The following ABI3BP variants were observed in gnomAD, a reference collection of about 807,000 sequenced individuals.
The protein encoded by ABI3BP is target of Nesh-SH3.
In ABI3BP, 216 loss-of-function variants were observed where a neutral mutation model predicts 268.6. That is an observed-to-expected ratio of 0.80 (90% CI 0.72 to 0.90). The LOEUF (loss-of-function observed/expected upper bound fraction) is 0.90. ABI3BP is among the 40% of genes least tolerant of loss of function. The pLI, the probability that ABI3BP is intolerant of heterozygous loss-of-function variation, is 0.00. For synonymous variants in ABI3BP, 730 were observed against 730.0 expected (o/e 1.00, Z 0.00); for missense variants, 2,090 against 2,182.4 (o/e 0.96, Z 0.84).
At chr3:100,802,940 A>C (rs2097572768) in intron 51 of ABI3BP, among the ~76,000 whole-genome samples, 2 of 146,352 alleles carry the variant, frequency 1.4e-5, no homozygotes, top group African/African-American at 4.9e-5. Context: ...GCCTACATAA[A>C]ATCTAGAACT....
chr3:100,988,441 C>T (rs532086916), intron 1 of ABI3BP, among the ~76,000 whole-genome samples: 22 of 152,304 alleles, frequency 1.4e-4, no homozygotes, highest in South Asian at 1.0e-3. Context: ...TTAACACTCA[C>T]TGAGCTTTGG....
At chr3:100,828,132 C>T (rs1055050659) in intron 34 of ABI3BP, among the ~76,000 whole-genome samples, 7 of 152,036 alleles carry the variant, frequency 4.6e-5, no homozygotes, top group African/African-American at 9.7e-5. Flanking sequence ...GTCAGAACCT[C>T]GCGAGAATAT....
intron 1 of ABI3BP, among the ~76,000 whole-genome samples, chr3:100,940,666 T>A (rs1359820170): frequency 6.7e-6 from 1 of 149,728 alleles, no homozygotes; most frequent in African/African-American, 2.5e-5. Flanking sequence ...TGCCTCTTAA[T>A]TCTGCTATTA....
At chr3:100,936,266 G>C (rs2066075905) in intron 1 of ABI3BP, among the ~76,000 whole-genome samples, 1 of 152,184 alleles carries the variant, frequency 6.6e-6, no homozygotes, top group Admixed American at 6.5e-5. Flanking sequence ...CTGTTTATTT[G>C]ATGGATTACA....
At chr3:100,939,426 C>T (rs2067820442) in intron 1 of ABI3BP, among the ~76,000 whole-genome samples, 1 of 151,956 alleles carries the variant, frequency 6.6e-6, no homozygotes, top group African/African-American at 2.4e-5. Flanking sequence ...TAAGCGTCAG[C>T]CAGCTTGAAA....
chr3:100,755,729 A>G (rs2095579814), intron 63 of ABI3BP, among the ~76,000 whole-genome samples: 1 of 152,224 alleles, frequency 6.6e-6, no homozygotes, highest in African/African-American at 2.4e-5. Context: ...TTTGCCTGAA[A>G]TTAAGATTTC....
chr3:100,890,827 TC>T (rs2044270033), intron 4 of ABI3BP, among the ~76,000 whole-genome samples: 1 of 152,120 alleles, frequency 6.6e-6, no homozygotes, highest in Non-Finnish European at 1.5e-5. Flanking sequence ...GACTTCAGAG[TC>T]CTTTCTCCCC....
intron 1 of ABI3BP, among the ~76,000 whole-genome samples, chr3:100,990,704 G>A (rs2153993201): frequency 6.6e-6 from 1 of 151,978 alleles, no homozygotes; most frequent in East Asian, 1.9e-4. Flanking sequence ...CAAGGAATAG[G>A]TAGCATTCAC....
At chr3:100,839,459 G>T in intron 24 of ABI3BP, 110 bp downstream of exon 24, 1 of 1,153,266 alleles carries the variant, frequency 8.7e-7, no homozygotes, top group Non-Finnish European at 1.2e-6. Flanking sequence ...GAAAAGCGTG[G>T]GATGAAACTG....
At chr3:100,921,654 A>G (rs1226282682) in intron 2 of ABI3BP, among the ~76,000 whole-genome samples, 1 of 152,208 alleles carries the variant, frequency 6.6e-6, no homozygotes, top group East Asian at 1.9e-4. Context: ...CTGCCCCTCT[A>G]GTACAATCTT....
intron 3 of ABI3BP, 42 bp from the exon 4 acceptor site, chr3:100,898,936 A>G: frequency 1.6e-5 from 24 of 1,546,992 alleles, no homozygotes; most frequent in Non-Finnish European, 2.0e-5. Context: ...GGAGACATTT[A>G]GTAAGTTGCC....
chr3:100,829,637 C>T lies in ABI3BP; in HGVS notation c.2486G>A (p.Arg829His), dbSNP rs1054539647. ...AAPKVPQRTH[R>H]PHPKPKTTLS... ...TGTGGTTTTAGGTTTGGGATGTGGA[C>T]GATGAGTTCGTTGAGGCACTTTGGG... Residue 829 changes from arginine to histidine, a missense_variant, in exon 33 of 68, where the codon CGT becomes CAT. Arg to His is a conservative substitution (Grantham distance 29). Coordinates refer to ENST00000471714, the MANE Select transcript of ABI3BP (RefSeq NM_001375547.2). The T allele has an allele frequency of 9.1e-6, 14 of 1,535,438 alleles. No individual in the cohort carries two copies. Among genetic ancestry groups the T allele is most frequent in the Middle Eastern group, 1.7e-4 (1 of 6,006 alleles).
At chr3:100,891,250 G>A (rs574875273) in intron 4 of ABI3BP, among the ~76,000 whole-genome samples, 2 of 152,198 alleles carry the variant, frequency 1.3e-5, no homozygotes, top group Admixed American at 6.5e-5. Flanking sequence ...TCCTTTCTTC[G>A]TATAGTATCA....
intron 38 of ABI3BP, among the ~76,000 whole-genome samples, chr3:100,821,495 T>A (rs895869971): frequency 6.6e-6 from 1 of 151,658 alleles, no homozygotes; most frequent in Non-Finnish European, 1.5e-5. Flanking sequence ...GTCTACCAGA[T>A]CAAATCTCAA....
rs201088816 is a variant in ABI3BP at position 100,966,940 on chromosome 3, CT to C, written c.79+26365del. Reference sequence around the variant, plus strand: ...TTTTAAAGCGCTAGAATTTGTAAGGCTTTTTTTTTTTTCAAACTAAAGATGA... The same window carrying C: ...TTTTAAAGCGCTAGAATTTGTAAGGCTTTTTTTTTTTCAAACTAAAGATGA... On this transcript the variant is annotated intron_variant, in intron 1 of 67. Coordinates refer to ENST00000471714, the MANE Select transcript of ABI3BP (RefSeq NM_001375547.2). 8.8e-3 allele frequency among the ~76,000 whole-genome samples: 1,261 copies of C among 143,112 alleles called. 9 individuals are homozygous for C. Among genetic ancestry groups the C allele is most frequent in the African/African-American group, 0.027 (1,051 of 39,274 alleles). The allele number at this position is 143,112 out of a possible 152,430, so 93.9% of individuals were successfully genotyped here.
At chr3:100,942,731 G>A (rs1025084405) in intron 1 of ABI3BP, among the ~76,000 whole-genome samples, 1 of 152,126 alleles carries the variant, frequency 6.6e-6, no homozygotes, top group Non-Finnish European at 1.5e-5. Flanking sequence ...CTGGGAACTT[G>A]TGAGACCCCA....
At chr3:100,873,595 G>T (rs1645109944) in intron 9 of ABI3BP, among the ~76,000 whole-genome samples, 1 of 152,090 alleles carries the variant, frequency 6.6e-6, no homozygotes, top group South Asian at 2.1e-4. Context: ...GCCCACCTAG[G>T]ACCCCAGCCT....
chr3:100,979,753 G>A (rs1183792749), intron 1 of ABI3BP, among the ~76,000 whole-genome samples: 1 of 152,114 alleles, frequency 6.6e-6, no homozygotes, highest in East Asian at 1.9e-4. Flanking sequence ...GCACTGAATG[G>A]CCAATAAAGA....
intron 4 of ABI3BP, among the ~76,000 whole-genome samples, chr3:100,892,133 T>C (rs2045010390): frequency 6.6e-6 from 1 of 152,230 alleles, no homozygotes; most frequent in South Asian, 2.1e-4. Flanking sequence ...TATGACTTAT[T>C]TTCCTAGACA....
Sources: gnomAD v4.1 joint callset for allele counts (sites outside exome capture counted in the v4.1 genomes callset) on GRCh38, gnomAD v4.1.1 for gene constraint, MANE v1.5 for transcripts, NCBI Gene and HGNC (gene_info 2026-07-23, HGNC 2026-07-21) for gene names.